Variants in ALOX5 observed in about 807,000 individuals in gnomAD.
The protein encoded by ALOX5 is arachidonate 5-lipoxygenase.
In ALOX5, 64 loss-of-function variants were observed where a neutral mutation model predicts 87.9. The observed-to-expected ratio is 0.73, with a 90% CI of 0.60 to 0.90. The LOEUF is 0.90. Ranked by LOEUF, ALOX5 falls within the 40% of genes least tolerant of loss-of-function variation. ALOX5 has a pLI of 0.00. For missense variants in ALOX5, 822 were observed against 907.5 expected (o/e 0.91, Z 1.21); for synonymous variants, 388 against 355.1 (o/e 1.09, Z -1.04).
intron 7 of ALOX5, among the ~76,000 whole-genome samples, chr10:45,433,671 G>A (rs1190366273): frequency 6.6e-6 from 1 of 152,208 alleles, no homozygotes; most frequent in African/African-American, 2.4e-5. Context: ...ATCTTGAAGT[G>A]GGGGTGGGCT....
In ALOX5 at chr10:45,425,257, C is replaced by T. The variant is rs3780903; in HGVS notation, c.834+125C>T. On this transcript the variant is annotated intron_variant, in intron 6 of 13. Coordinates refer to ENST00000374391, the MANE Select transcript of ALOX5 (RefSeq NM_000698.5). This position sits in a 1 kb window ranked among gnomAD's most constrained non-coding sequence, Gnocchi z 4.4. Reference sequence around the variant, plus strand: ...GCAGGCCCATCTGGCCTACAGCAGCCGCTTCCTTTTCCTGGCAGCAGTGTC... The same window carrying T: ...GCAGGCCCATCTGGCCTACAGCAGCTGCTTCCTTTTCCTGGCAGCAGTGTC... 849,011 of 1,175,104 alleles carry T rather than the reference C, an allele frequency of 0.72. 309,199 individuals are homozygous for T. Among genetic ancestry groups the T allele is most frequent in the East Asian group, 0.79 (30,438 of 38,512 alleles). 72.8% of individuals were successfully genotyped at this position (1,175,104 alleles called of 1,614,324 possible). A position where few individuals can be genotyped will look rare whatever the true frequency, so the allele number is the denominator to read the frequency against.
At chr10:45,417,292 ACAGACTC>A (rs1841330012) in intron 4 of ALOX5, among the ~76,000 whole-genome samples, 1 of 152,144 alleles carries the variant, frequency 6.6e-6, no homozygotes, top group Non-Finnish European at 1.5e-5. Context: ...GTTTAGTGTT[ACAGACTC>A]CATGCTGCCC....
chr10:45,415,695 T>C (rs1424893603), intron 4 of ALOX5, among the ~76,000 whole-genome samples: 1 of 152,164 alleles, frequency 6.6e-6, no homozygotes, highest in Non-Finnish European at 1.5e-5. Flanking sequence ...GAGAACAGGC[T>C]GGAAGGAAGA....
intron 4 of ALOX5, among the ~76,000 whole-genome samples, chr10:45,423,806 C>T (rs1841592956): frequency 6.6e-6 from 1 of 152,218 alleles, no homozygotes; most frequent in South Asian, 2.1e-4. Flanking sequence ...ATTCAAGGCA[C>T]TGCAGGCTAT....
chr10:45,412,361 G>A (rs769847356), intron 4 of ALOX5, 48 bp downstream of exon 4: 3 of 1,606,844 alleles, frequency 1.9e-6, no homozygotes, highest in South Asian at 1.1e-5. Context: ...TCCAGTGGCT[G>A]GTGCTGGGGG....
At chr10:45,378,719 C>G (rs191883449) in intron 1 of ALOX5, among the ~76,000 whole-genome samples, 1 of 152,176 alleles carries the variant, frequency 6.6e-6, no homozygotes, top group Non-Finnish European at 1.5e-5. Flanking sequence ...GATGTTAGAA[C>G]CACAGCCATC....
intron 8 of ALOX5, 129 bp downstream of exon 8, chr10:45,440,762 T>C (rs747896338): frequency 9.7e-6 from 10 of 1,036,182 alleles, no homozygotes; most frequent in Non-Finnish European, 1.4e-5. Context: ...TGGAGAGATG[T>C]TCTCAGAGTC....
At chr10:45,415,382 C>A (rs1219250932) in intron 4 of ALOX5, among the ~76,000 whole-genome samples, 1 of 151,878 alleles carries the variant, frequency 6.6e-6, no homozygotes, top group African/African-American at 2.4e-5. Flanking sequence ...GGGAATTGAA[C>A]AATGAGAACA....
chr10:45,433,310 C>T (rs752162173), intron 7 of ALOX5, among the ~76,000 whole-genome samples: 2 of 152,194 alleles, frequency 1.3e-5, no homozygotes, highest in Non-Finnish European at 2.9e-5. Flanking sequence ...GCAGATCCCA[C>T]AGCGCCTGCT....
At chr10:45,442,955 T>C (rs2132859863) in intron 9 of ALOX5, 83 bp from the exon 10 acceptor site, 1 of 1,454,116 alleles carries the variant, frequency 6.9e-7, no homozygotes, top group South Asian at 1.3e-5. Flanking sequence ...CCTCCTCGCC[T>C]CCCCTGGCAC....
In ALOX5 at chr10:45,440,570, G is replaced by C; in HGVS notation, c.1122G>C (p.Leu374=). Residue 374 remains leucine (L), a synonymous_variant, in exon 8 of 14, where the codon CTG becomes CTC. Transcript: ENST00000374391. The stretch of plus-strand genomic sequence containing the variant: ...TCACCCACCTTCTGCGAACACATCT[G>C]GTGTCTGAGGTTTTTGGCATTGCAA... ...QTITHLLRTH[L]VSEVFGIAMY... 6.2e-7 allele frequency: 1 copy of C among 1,614,168 alleles called. No homozygotes were observed. Among genetic ancestry groups the C allele is most frequent in the Non-Finnish European group, 8.5e-7 (1 of 1,180,036 alleles).
rs142233290 is a variant in ALOX5 at position 45,403,888 on chromosome 10, G to T, written c.431+7952G>T. Among the ~76,000 whole-genome samples, 38 of 152,280 alleles carry T rather than the reference G, an allele frequency of 2.5e-4. No individual in the cohort carries two copies. The East Asian group carries it at 6.4e-3, about 26-fold the overall frequency. On this transcript the variant is annotated intron_variant, in intron 3 of 13. Coordinates refer to ENST00000374391, the MANE Select transcript of ALOX5 (RefSeq NM_000698.5). The stretch of plus-strand genomic sequence containing the variant: ...TGCTTCTTCCTTGGCTTCCCTCCCT[G>T]TTTCAGACACCTATGGCAAAGCCCC...
At chr10:45,417,879 C>T (rs143811488) in intron 4 of ALOX5, among the ~76,000 whole-genome samples, 354 of 152,286 alleles carry the variant, frequency 2.3e-3, no homozygotes, top group African/African-American at 7.6e-3. Context: ...GTGAGGGGCC[C>T]CTTCTTGCAG....
At chr10:45,420,359 C>T (rs1385297238) in intron 4 of ALOX5, among the ~76,000 whole-genome samples, 6 of 152,158 alleles carry the variant, frequency 3.9e-5, no homozygotes, top group Admixed American at 3.9e-4. Flanking sequence ...GTTAAAAATG[C>T]ATCATAAAAT....
intron 7 of ALOX5, among the ~76,000 whole-genome samples, chr10:45,433,488 G>A (rs1291620257): frequency 6.6e-6 from 1 of 152,100 alleles, no homozygotes; most frequent in Non-Finnish European, 1.5e-5. Flanking sequence ...TTTATTGCGG[G>A]GACCAAAAAA....
In ALOX5 at chr10:45,428,707, T is replaced by C; in HGVS notation, c.924T>C (p.Ala308=). The stretch of plus-strand genomic sequence containing the variant: ...CCTGCACACTCCAGTTCCTGGCCGC[T>C]CCCATCTGCTTGCTGTATAAGAACC... The part of the protein sequence containing the change: ...TDPCTLQFLA[A]PICLLYKNLA... Residue 308 remains alanine (A), a synonymous_variant, in exon 7 of 14, where the codon GCT becomes GCC. Transcript: ENST00000374391. 6.2e-7 allele frequency: 1 copy of C among 1,614,054 alleles called. No individual in the cohort carries two copies. Among genetic ancestry groups the C allele is most frequent in the East Asian group, 2.2e-5 (1 of 44,874 alleles).
chr10:45,374,287 C>T lies in ALOX5; in HGVS notation c.8C>T (p.Ser3Phe). ...GCTCCCGCGGCCCGCGCCATGCCCT[C>T]CTACACGGTCACCGTGGCCACTGGC... Reference protein sequence around the residue: MPSYTVTVATGSQ... With the variant: MPFYTVTVATGSQ... The change falls in exon 1 of 14, where the codon TCC becomes TTC. Residue 3 changes from serine to phenylalanine, a missense_variant. Coordinates refer to ENST00000374391, the MANE Select transcript of ALOX5 (RefSeq NM_000698.5). 1 of 1,511,924 alleles carries T rather than the reference C, an allele frequency of 6.6e-7. No homozygotes were observed. The highest frequency in any genetic ancestry group is 8.8e-7 in the Non-Finnish European group (1 of 1,130,796). The allele number at this position is 1,511,924 out of a possible 1,614,324, so 93.7% of individuals were successfully genotyped here.
At chr10:45,421,885 C>A (rs1841519462) in intron 4 of ALOX5, among the ~76,000 whole-genome samples, 1 of 152,236 alleles carries the variant, frequency 6.6e-6, no homozygotes, top group Non-Finnish European at 1.5e-5. Context: ...TGGCAACTTC[C>A]AGCAGTACAC....
At chr10:45,415,066 C>G (rs1166761561) in intron 4 of ALOX5, among the ~76,000 whole-genome samples, 1 of 152,140 alleles carries the variant, frequency 6.6e-6, no homozygotes, top group African/African-American at 2.4e-5. Flanking sequence ...ACCATTTGAC[C>G]CAGCCATCCC....
Sources: gnomAD v4.1 joint callset for allele counts (sites outside exome capture counted in the v4.1 genomes callset) on GRCh38, gnomAD v4.1.1 for gene constraint, Gnocchi (gnomAD v3.1) non-coding constraint, MANE v1.5 for transcripts, NCBI Gene and HGNC (gene_info 2026-07-23, HGNC 2026-07-21) for gene names.